Variants in FHL5 observed in about 807,000 individuals in gnomAD.
FHL5 encodes four and a half LIM domains protein 5.
In FHL5, 33 loss-of-function variants were observed where a neutral mutation model predicts 32.0. That is an observed-to-expected ratio of 1.03 (90% CI 0.78 to 1.38). The LOEUF (loss-of-function observed/expected upper bound fraction) is 1.38. Ranked by LOEUF, FHL5 falls within the 40% of genes most tolerant of loss-of-function variation. FHL5 has a pLI of 0.00. For synonymous variants in FHL5, 114 were observed against 113.6 expected (o/e 1.00, Z -0.02); for missense variants, 336 against 343.9 (o/e 0.98, Z 0.18).
At chr6:96,584,702 G>T (rs1218146826) in intron 1 of FHL5, among the ~76,000 whole-genome samples, 1 of 152,046 alleles carries the variant, frequency 6.6e-6, no homozygotes, top group Non-Finnish European at 1.5e-5. Flanking sequence ...CAGGAAAATT[G>T]AATTTATCAT....
chr6:96,579,101 C>T (rs1194718403), intron 1 of FHL5, among the ~76,000 whole-genome samples: 2 of 152,100 alleles, frequency 1.3e-5, no homozygotes, highest in Non-Finnish European at 2.9e-5. Context: ...GGAATAAGTT[C>T]AGTCTTCTTA....
chr6:96,613,485 C>T (rs1463480334), intron 5 of FHL5, among the ~76,000 whole-genome samples: 4 of 152,226 alleles, frequency 2.6e-5, no homozygotes, highest in Non-Finnish European at 5.9e-5. Context: ...GCCCCCACTG[C>T]TGTGTCACCA....
intron 1 of FHL5, among the ~76,000 whole-genome samples, chr6:96,574,136 C>T (rs1050880510): frequency 1.3e-5 from 2 of 152,126 alleles, no homozygotes; most frequent in Non-Finnish European, 2.9e-5. Context: ...ATTAAATACT[C>T]TTCCGAATAC....
intron 1 of FHL5, among the ~76,000 whole-genome samples, chr6:96,596,811 T>C (rs1162763741): frequency 6.6e-6 from 1 of 152,082 alleles, no homozygotes; most frequent in Non-Finnish European, 1.5e-5. Context: ...TTCCTCAAAT[T>C]CAATATAACT....
chr6:96,610,673 G>A lies in FHL5; in HGVS notation c.606G>A (p.Met202Ile), dbSNP rs200306734. 8 of 1,613,164 alleles carry A rather than the reference G, an allele frequency of 5.0e-6. No individual in the cohort carries two copies. The Admixed American group carries it at 1.3e-4, about 27-fold the overall frequency. The change falls in exon 5 of 6, where the codon ATG (methionine) becomes ATA (isoleucine). Residue 202 changes from methionine (M) to isoleucine (I), a missense_variant. Transcript: ENST00000450218. ...CRKDLCEEQF[M>I]SRDDYPFCVD... ...AAGATCTCTGTGAAGAACAGTTCAT[G>A]TCCAGAGACGACTATCCATTCTGCG...
At chr6:96,611,645 T>C (rs1375369974) in intron 5 of FHL5, among the ~76,000 whole-genome samples, 1 of 152,226 alleles carries the variant, frequency 6.6e-6, no homozygotes, top group Admixed American at 6.5e-5. Context: ...TCATATACCA[T>C]AGAATTAAAG....
chr6:96,591,210 C>A (rs1175036269), intron 1 of FHL5, among the ~76,000 whole-genome samples: 1 of 152,062 alleles, frequency 6.6e-6, no homozygotes, highest in Non-Finnish European at 1.5e-5. Flanking sequence ...GGCTTTATTT[C>A]CCTCTGTATG....
At chr6:96,593,792 T>C (rs941602597) in intron 1 of FHL5, among the ~76,000 whole-genome samples, 1 of 152,152 alleles carries the variant, frequency 6.6e-6, no homozygotes, top group Non-Finnish European at 1.5e-5. Flanking sequence ...TTGCCTATTC[T>C]TCACTGTAAT....
chr6:96,572,827 T>C (rs1770507292), intron 1 of FHL5, among the ~76,000 whole-genome samples: 3 of 152,196 alleles, frequency 2.0e-5, no homozygotes, highest in Admixed American at 2.0e-4. Context: ...CTGATCCCAC[T>C]TGGGGGATGG....
intron 1 of FHL5, among the ~76,000 whole-genome samples, chr6:96,577,335 A>G (rs369516036): frequency 6.6e-6 from 1 of 151,972 alleles, no homozygotes; most frequent in African/African-American, 2.4e-5. Context: ...ACTAGTTAAC[A>G]TCAATCTCCA....
At chr6:96,563,087 T>C (rs1770280926), upstream of FHL5, 1 of 152,200 alleles carries the variant, frequency 6.6e-6, no homozygotes, top group Non-Finnish European at 1.5e-5. Context: ...TTGTTACTCA[T>C]AGTTTTAAGT....
chr6:96,599,963 G>C (rs1397838252), intron 1 of FHL5, among the ~76,000 whole-genome samples: 2 of 152,148 alleles, frequency 1.3e-5, no homozygotes, highest in Admixed American at 6.5e-5. Context: ...AAATCACATA[G>C]TCCTCATCCT....
At chr6:96,581,488 T>C (rs1404686422) in intron 1 of FHL5, among the ~76,000 whole-genome samples, 11 of 152,222 alleles carry the variant, frequency 7.2e-5, no homozygotes, top group African/African-American at 2.7e-4. Flanking sequence ...CTGTGGGAGT[T>C]ATTCAGCTGA....
chr6:96,571,876 C>T (rs1770485789), intron 1 of FHL5, among the ~76,000 whole-genome samples: 1 of 152,006 alleles, frequency 6.6e-6, no homozygotes, highest in Non-Finnish European at 1.5e-5. Context: ...AGCAGTATCC[C>T]AGAATGTGTG....
In FHL5 at chr6:96,591,569, G is replaced by T. The variant is rs1205795163; in HGVS notation, c.-12-12033G>T. Among the ~76,000 whole-genome samples the T allele has an allele frequency of 2.6e-5, 4 of 152,038 alleles. No individual in the cohort carries two copies. The East Asian group carries it at 5.8e-4, about 22-fold the overall frequency. On this transcript the variant is annotated intron_variant, in intron 1 of 5. Transcript: ENST00000450218. Reference sequence around the variant, plus strand: ...CATTGTCAAAAGATCTTTTACCTGGGCATAGACTTCTAGGTTGGCTGCTAA... The same window carrying T: ...CATTGTCAAAAGATCTTTTACCTGGTCATAGACTTCTAGGTTGGCTGCTAA...
Position 96,602,426 on chromosome 6 carries a change from C to CTTTT in FHL5, c.-12-1141_-12-1138dup, listed in dbSNP as rs1168636713. Among the ~76,000 whole-genome samples, 23 of 33,702 alleles carry CTTTT rather than the reference C, an allele frequency of 6.8e-4. 6 individuals are homozygous for CTTTT. The highest frequency in any genetic ancestry group is 8.4e-4 in the Admixed American group (2 of 2,378). 22.1% of individuals were successfully genotyped at this position (33,702 alleles called of 152,430 possible). On this transcript the variant is annotated intron_variant, in intron 1 of 5. Coordinates refer to ENST00000450218, the MANE Select transcript of FHL5 (RefSeq NM_001322466.2). ...ACCTGGAAATCTATATGCGTTGTTT[C>CTTTT]TTTTTTTTTTTTTTTTTTTTTTTTT...
intron 1 of FHL5, among the ~76,000 whole-genome samples, chr6:96,582,173 C>A (rs532567078): frequency 6.6e-6 from 1 of 152,210 alleles, no homozygotes; most frequent in South Asian, 2.1e-4. Context: ...AGTAGAAGGG[C>A]AGACTTATAT....
At chr6:96,599,385 G>C (rs764066116) in intron 1 of FHL5, among the ~76,000 whole-genome samples, 6 of 151,872 alleles carry the variant, frequency 4.0e-5, no homozygotes, top group Non-Finnish European at 8.8e-5. Flanking sequence ...AGTAGAGCAG[G>C]GGTTTCTCCA....
In FHL5 at chr6:96,610,663, A is replaced by G. The variant is rs1771383541; in HGVS notation, c.596A>G (p.Glu199Gly). ...CSGCRKDLCE[E>G]QFMSRDDYPF... ...GGCTGTAGGAAAGATCTCTGTGAAG[A>G]ACAGTTCATGTCCAGAGACGACTAT... is the stretch of plus-strand genomic sequence containing the variant. Residue 199 changes from glutamate to glycine, a missense_variant, in exon 5 of 6, where the codon GAA becomes GGA. Transcript: ENST00000450218. 1 of 1,613,380 alleles carries G rather than the reference A, an allele frequency of 6.2e-7. No individual in the cohort carries two copies. Among genetic ancestry groups the G allele is most frequent in the African/African-American group, 1.3e-5 (1 of 75,004 alleles).
Sources: gnomAD v4.1 joint callset for allele counts (sites outside exome capture counted in the v4.1 genomes callset) on GRCh38, gnomAD v4.1.1 for gene constraint, MANE v1.5 for transcripts, NCBI Gene and HGNC (gene_info 2026-07-23, HGNC 2026-07-21) for gene names.